The following MTG2 variants were observed in gnomAD, a reference collection of about 807,000 sequenced individuals.
MTG2 encodes mitochondrial ribosome-associated GTPase 2.
In MTG2, 23 loss-of-function variants were observed where a neutral mutation model predicts 28.6. The ratio of observed to expected loss-of-function variants is 0.80; its 90% CI spans 0.58 to 1.14. The LOEUF (loss-of-function observed/expected upper bound fraction) is 1.14, where lower values mean the gene tolerates loss of function less well. Among genes scored for constraint, MTG2 ranks in the 50% most tolerant of loss-of-function variants. The pLI, the probability that MTG2 is intolerant of heterozygous loss-of-function variation, is 0.00. For missense variants in MTG2, 539 were observed against 552.0 expected (o/e 0.98, Z 0.24); for synonymous variants, 260 against 251.8 (o/e 1.03, Z -0.31).
At chr20:62,185,628 G>A (rs1162260145) in intron 1 of MTG2, among the ~76,000 whole-genome samples, 1 of 152,032 alleles carries the variant, frequency 6.6e-6, no homozygotes, top group Non-Finnish European at 1.5e-5. Context: ...GAGACAGAGT[G>A]AGACTCTTGT....
chr20:62,185,033 C>G (rs934146637), intron 1 of MTG2, among the ~76,000 whole-genome samples: 1 of 151,790 alleles, frequency 6.6e-6, no homozygotes, highest in Admixed American at 6.6e-5. Flanking sequence ...TCACTTGAAC[C>G]CATGAGGCGG....
rs959267250 is a variant in MTG2 at position 62,202,985 on chromosome 20, C to G, written c.*1908C>G. 1 of 152,238 alleles carries G rather than the reference C, an allele frequency of 6.6e-6. No homozygotes were observed. The highest frequency in any genetic ancestry group is 6.5e-5 in the Admixed American group (1 of 15,284). 9.4% of individuals were successfully genotyped at this position (152,238 alleles called of 1,614,324 possible). A position where few individuals can be genotyped will look rare whatever the true frequency, so the allele number is the denominator to read the frequency against. ...AATCTGCAGCTAGAACATGACAGTC[C>G]TTTTACCCGAAGCTTTATTTTAATG... is the stretch of plus-strand genomic sequence containing the variant. On this transcript the variant is annotated 3_prime_UTR_variant, in exon 7 of 7. Coordinates refer to ENST00000370823, the MANE Select transcript of MTG2 (RefSeq NM_015666.4).
At chr20:62,193,835 G>A (rs985223590) in intron 2 of MTG2, 6 of 570,694 alleles carry the variant, frequency 1.1e-5, no homozygotes, top group South Asian at 6.6e-5. Flanking sequence ...TGGGAGAGGC[G>A]CTGCGTGCTT....
chr20:62,198,653 T>G lies in MTG2; in HGVS notation c.488T>G (p.Val163Gly), dbSNP rs753408450. The G allele has an allele frequency of 6.2e-7, 1 of 1,613,830 alleles. No individual in the cohort carries two copies. The change falls in exon 5 of 7, where the codon GTG (valine) becomes GGG (glycine). Residue 163 changes from valine to glycine, a missense_variant. By Grantham distance (109) the Val-to-Gly change is moderately radical (BLOSUM62 -3). Transcript: ENST00000370823. ...CCCCAGGTCCCCGTGGGCACGCTGG[T>G]GAAGGAGGGAGGCAGAGTTGTGGCC... is the stretch of plus-strand genomic sequence containing the variant. The part of the protein sequence containing the change: ...LYIRVPVGTL[V>G]KEGGRVVADL...
Position 62,198,861 on chromosome 20 carries a change from C to T in MTG2, c.687+9C>T. The T allele has an allele frequency of 1.2e-6, 2 of 1,613,860 alleles. No homozygotes were observed. The highest frequency in any genetic ancestry group is 1.7e-6 in the Non-Finnish European group (2 of 1,179,934). ...TGGCCCACGCCGGAATGGTAGGTGTCCCCACTGCCAACAGCATCTGCACAC... is the reference window on the plus strand; with the variant it reads ...TGGCCCACGCCGGAATGGTAGGTGTTCCCACTGCCAACAGCATCTGCACAC... On this transcript the variant is annotated intron_variant, in intron 5 of 6. Transcript: ENST00000370823.
At chr20:62,198,336 A>T in intron 4 of MTG2, 1 of 539,574 alleles carries the variant, frequency 1.9e-6, no homozygotes, top group Non-Finnish European at 3.3e-6. Flanking sequence ...AGCTGAATTC[A>T]CTCGTCTCTT....
intron 6 of MTG2, chr20:62,200,322 TTCTA>T (rs2058142097): frequency 5.1e-6 from 1 of 196,828 alleles, no homozygotes; most frequent in Non-Finnish European, 1.0e-5. Flanking sequence ...ACATGTAAAT[TTCTA>T]TCAGTAATCA....
intron 1 of MTG2, among the ~76,000 whole-genome samples, chr20:62,193,013 CT>C (rs1433342910): frequency 6.6e-6 from 1 of 152,230 alleles, no homozygotes; most frequent in East Asian, 1.9e-4. Context: ...AATGTAACAA[CT>C]TTAAAATTAC....
intron 1 of MTG2, among the ~76,000 whole-genome samples, chr20:62,190,416 C>T (rs2057934492): frequency 6.6e-6 from 1 of 152,220 alleles, no homozygotes. Context: ...GTTGCTCTCC[C>T]TTCCCTCCTC....
rs41284984 is a variant in MTG2 at position 62,193,517 on chromosome 20, C to T, written c.97C>T (p.Arg33Trp). The T allele has an allele frequency of 0.037, 60,348 of 1,614,096 alleles. 1,293 individuals are homozygous for T. The highest frequency in any genetic ancestry group is 0.044 in the Non-Finnish European group (51,549 of 1,180,024). Residue 33 changes from arginine to tryptophan, a missense_variant, in exon 2 of 7, where the codon CGG becomes TGG. Transcript: ENST00000370823. ...CACATGGGCTGGCCTGAAGCCCAGC[C>T]GGCTACTGCCACAGCGGGCTTCTCC... ...LSTWAGLKPS[R>W]LLPQRASPRL... is the part of the protein sequence containing the mutation.
At chr20:62,191,087 C>T (rs1464400308) in intron 1 of MTG2, among the ~76,000 whole-genome samples, 1 of 152,096 alleles carries the variant, frequency 6.6e-6, no homozygotes, top group Non-Finnish European at 1.5e-5. Context: ...AATGGAGTTA[C>T]CAAGACCACA....
At position 62,202,422 on chromosome 20, in the gene MTG2, C is replaced by G. The variant is rs557014555; in HGVS notation, c.*1345C>G. 6.4e-6 allele frequency: 1 copy of G among 157,350 alleles called. No individual in the cohort carries two copies. Among genetic ancestry groups the G allele is most frequent in the African/African-American group, 2.4e-5 (1 of 41,274 alleles). The allele number at this position is 157,350 out of a possible 1,614,324, so 9.7% of individuals were successfully genotyped here. A position where few individuals can be genotyped will look rare whatever the true frequency, so the allele number is the denominator to read the frequency against. ...CTGCACTCCAGCCTGAGTGACAGAG[C>G]GAGACCCTGTCTCAAAAAACAAACA... On this transcript the variant is annotated 3_prime_UTR_variant, in exon 7 of 7. Transcript: ENST00000370823.
At position 62,183,065 on chromosome 20, in the gene MTG2, C is replaced by CGGGAGTG. The variant is rs1555830422; in HGVS notation, c.-6+13_-6+14insTGGGGAG. On this transcript the variant is annotated intron_variant, in intron 1 of 6. Transcript: ENST00000370823. ...ACGTGCTTTCCCGAGCCGGTGAGTG[C>CGGGAGTG]GGGAGCGGGGAGCGGGGAGCGTGGG... is the stretch of plus-strand genomic sequence containing the variant. 1 of 151,848 alleles carries CGGGAGTG rather than the reference C, an allele frequency of 6.6e-6. No homozygotes were observed. Among genetic ancestry groups the CGGGAGTG allele is most frequent in the African/African-American group, 2.4e-5 (1 of 41,082 alleles). 9.4% of individuals were successfully genotyped at this position (151,848 alleles called of 1,614,324 possible).
At chr20:62,183,312 G>T (rs1431126766) in intron 1 of MTG2, among the ~76,000 whole-genome samples, 1 of 152,156 alleles carries the variant, frequency 6.6e-6, no homozygotes, top group Non-Finnish European at 1.5e-5. Flanking sequence ...CACTCTCTCC[G>T]CAGAACCGCG....
intron 6 of MTG2, 92 bp from the exon 7 acceptor site, chr20:62,200,591 C>A: frequency 6.9e-7 from 1 of 1,452,024 alleles, no homozygotes; most frequent in Non-Finnish European, 9.2e-7. Context: ...GCAGTGGGCT[C>A]CAGGCCTTCT....
intron 1 of MTG2, among the ~76,000 whole-genome samples, chr20:62,187,800 T>C (rs1376726596): frequency 6.6e-6 from 1 of 152,206 alleles, no homozygotes; most frequent in Admixed American, 6.5e-5. Context: ...TACATGTTAT[T>C]GTTGTCTCTT....
In MTG2 at chr20:62,198,813, TCTC is replaced by T. The variant is rs767547646; in HGVS notation, c.650_652del (p.Leu217del). The T allele has an allele frequency of 1.2e-6, 2 of 1,614,118 alleles. No individual in the cohort carries two copies. Among genetic ancestry groups the T allele is most frequent in the South Asian group, 1.1e-5 (1 of 91,088 alleles). ...CTGGACAGCCAGGACAGCAGCGAGT[TCTC>T]CACCTGGAGCTCAAGACGGTGGCCC... is the stretch of plus-strand genomic sequence containing the variant. On this transcript the variant is annotated inframe_deletion, in exon 5 of 7. Coordinates refer to ENST00000370823, the MANE Select transcript of MTG2 (RefSeq NM_015666.4).
rs569048371 is a variant in MTG2, at chr20:62,187,680, A to G, written c.-6+4623A>G. Among the ~76,000 whole-genome samples the G allele has an allele frequency of 4.6e-5, 7 of 152,268 alleles. No individual in the cohort carries two copies. The East Asian group carries it at 1.4e-3, about 29-fold the overall frequency. On this transcript the variant is annotated intron_variant, in intron 1 of 6. Coordinates refer to ENST00000370823, the MANE Select transcript of MTG2 (RefSeq NM_015666.4). ...CTGGCTGTCTGTAAGGTGTGTCCTG[A>G]TAACCCGTTGAACATTCCTGACAGT...
chr20:62,188,550 G>T (rs901854328), intron 1 of MTG2, among the ~76,000 whole-genome samples: 1 of 123,276 alleles, frequency 8.1e-6, no homozygotes, highest in South Asian at 2.5e-4. Context: ...ACAAGGTCTC[G>T]CTATTTTGCC....
Sources: gnomAD v4.1 joint callset for allele counts (sites outside exome capture counted in the v4.1 genomes callset) on GRCh38, gnomAD v4.1.1 for gene constraint, MANE v1.5 for transcripts, NCBI Gene and HGNC (gene_info 2026-07-23, HGNC 2026-07-21) for gene names.